DHRSX: variants seen among roughly 807,000 people sequenced by gnomAD.
DHRSX encodes dehydrogenase/reductase X-linked.
In DHRSX, 31 loss-of-function variants were observed where a neutral mutation model predicts 34.0. That is an observed-to-expected ratio of 0.91 (90% confidence interval 0.69 to 1.23). The LOEUF (loss-of-function observed/expected upper bound fraction) is 1.23, where lower values mean the gene tolerates loss of function less well. Ranked by LOEUF, DHRSX falls within the 50% of genes most tolerant of loss-of-function variation. The pLI, the probability that DHRSX is intolerant of heterozygous loss-of-function variation, is 0.00. For synonymous variants in DHRSX, 201 were observed against 183.8 expected (o/e 1.09, Z -0.76); for missense variants, 414 against 428.1 (o/e 0.97, Z 0.29).
intron 5 of DHRSX, among the ~76,000 whole-genome samples, chrX:2,249,580 G>C (rs1240311723): frequency 7.1e-6 from 1 of 141,154 alleles, no homozygotes; most frequent in Non-Finnish European, 1.5e-5. Flanking sequence ...CTGGAGTGCG[G>C]TGGCGCAATC....
intron 1 of DHRSX, among the ~76,000 whole-genome samples, chrX:2,450,906 C>A (rs1000564366): frequency 6.6e-6 from 1 of 151,918 alleles, no homozygotes; most frequent in African/African-American, 2.4e-5. Context: ...GATCGAGCCT[C>A]ATGAATGGGA....
intron 1 of DHRSX, chrX:2,486,477 A>G (rs1412653667): frequency 6.6e-6 from 1 of 152,242 alleles, no homozygotes; most frequent in Non-Finnish European, 1.5e-5. Context: ...ACTTTACAGC[A>G]TTAAATAAGG....
chrX:2,450,904 C>G, intron 1 of DHRSX, among the ~76,000 whole-genome samples: 1 of 151,882 alleles, frequency 6.6e-6, no homozygotes, highest in Non-Finnish European at 1.5e-5. Context: ...GGGATCGAGC[C>G]TCATGAATGG....
chrX:2,431,326 C>CAAAA (rs748686139), intron 1 of DHRSX, among the ~76,000 whole-genome samples: 5 of 124,212 alleles, frequency 4.0e-5, no homozygotes, highest in South Asian at 2.5e-4. Context: ...CTCCATCTCA[C>CAAAA]AAAAAAAAAA....
intron 4 of DHRSX, among the ~76,000 whole-genome samples, chrX:2,287,893 C>T (rs1033147098): frequency 2.6e-5 from 4 of 152,176 alleles, no homozygotes; most frequent in Non-Finnish European, 4.4e-5. Context: ...CAGAGATGCC[C>T]ACAACCTATT....
intron 1 of DHRSX, among the ~76,000 whole-genome samples, chrX:2,478,097 A>T (rs1230770579): frequency 5.3e-5 from 8 of 152,224 alleles, no homozygotes; most frequent in Admixed American, 3.3e-4. Flanking sequence ...TCCAGAAAGC[A>T]AATGAAGCCT....
At chrX:2,249,585 G>A (rs1182493314) in intron 5 of DHRSX, among the ~76,000 whole-genome samples, 6 of 134,710 alleles carry the variant, frequency 4.5e-5, no homozygotes, top group African/African-American at 1.1e-4. Context: ...GTGCGGTGGC[G>A]CAATCTCAGC....
intron 1 of DHRSX, among the ~76,000 whole-genome samples, chrX:2,494,597 T>C (rs1410912836): frequency 2.0e-5 from 3 of 152,010 alleles, no homozygotes; most frequent in African/African-American, 7.2e-5. Context: ...AAAAAGGTTC[T>C]GGCACTTCAG....
At chrX:2,489,067 G>T (rs1345440049) in intron 1 of DHRSX, 1 of 1,613,916 alleles carries the variant, frequency 6.2e-7, no homozygotes, top group East Asian at 2.2e-5. Context: ...TCTGGCAGAA[G>T]ATCTCGGCCA....
At chrX:2,236,339 G>T (rs949734559) in intron 6 of DHRSX, among the ~76,000 whole-genome samples, 43 of 152,290 alleles carry the variant, frequency 2.8e-4, no homozygotes, top group Admixed American at 5.2e-4. Context: ...TGGGGGAAGG[G>T]CGTGCGTGGA....
intron 3 of DHRSX, among the ~76,000 whole-genome samples, chrX:2,304,221 ATGG>A (rs1342617533): frequency 8.3e-6 from 1 of 120,566 alleles, no homozygotes; most frequent in Non-Finnish European, 1.7e-5. Flanking sequence ...GGATGGATGG[ATGG>A]ATGGATGGAT....
At chrX:2,405,121 G>C (rs2043535475) in intron 3 of DHRSX, among the ~76,000 whole-genome samples, 1 of 149,626 alleles carries the variant, frequency 6.7e-6, no homozygotes, top group Non-Finnish European at 1.5e-5. Context: ...GCTTAGGGTA[G>C]AAAGGAGGAG....
chrX:2,386,882 G>GTTT (rs57827913), intron 3 of DHRSX, among the ~76,000 whole-genome samples: 6 of 124,096 alleles, frequency 4.8e-5, no homozygotes, highest in South Asian at 2.5e-4. Context: ...TGATGGTTTT[G>GTTT]TTTTTTTTTT....
chrX:2,349,862 C>T (rs2042767017), intron 3 of DHRSX, among the ~76,000 whole-genome samples: 1 of 144,956 alleles, frequency 6.9e-6, no homozygotes, highest in Non-Finnish European at 1.5e-5. Context: ...CAGGGTGAAA[C>T]CCCGTTTCCA....
chrX:2,308,744 G>A (rs913839780), intron 3 of DHRSX, among the ~76,000 whole-genome samples: 1 of 151,672 alleles, frequency 6.6e-6, no homozygotes, highest in African/African-American at 2.4e-5. Context: ...TCAACATTGT[G>A]GGGGAAGGAG....
At chrX:2,228,822 T>C (rs2015797815) in intron 6 of DHRSX, among the ~76,000 whole-genome samples, 1 of 152,152 alleles carries the variant, frequency 6.6e-6, no homozygotes, top group Non-Finnish European at 1.5e-5. Context: ...AGAAAGCTGT[T>C]CCCTCTGAAC....
Position 2,500,942 on chromosome X carries a change from C to A in DHRSX, c.-17G>T. ...TGGCGACATGGCTGCCCCGGCCGCG[C>A]CGCCGCCGCTTCCGCGCCGCCCGCG... On this transcript the variant is annotated 5_prime_UTR_variant, in exon 1 of 7. Transcript: ENST00000334651. 9.6e-7 allele frequency: 1 copy of A among 1,044,088 alleles called. No individual in the cohort carries two copies. The highest frequency in any genetic ancestry group is 1.2e-6 in the Non-Finnish European group (1 of 868,618). 64.7% of individuals were successfully genotyped at this position (1,044,088 alleles called of 1,614,324 possible). A position where few individuals can be genotyped will look rare whatever the true frequency, so the allele number is the denominator to read the frequency against.
rs749995824 is a variant in DHRSX, at chrX:2,258,861, G to T, written c.596+7879C>A. Among the ~76,000 whole-genome samples, 3 of 152,352 alleles carry T rather than the reference G, an allele frequency of 2.0e-5. No homozygotes were observed. In the East Asian group the frequency reaches 5.8e-4, roughly 29 times the overall value. On this transcript the variant is annotated intron_variant, in intron 5 of 6. Transcript: ENST00000334651. ...CCCTGCAGAGGAATCATGGAGAAAT[G>T]AAACATGGCTCAGGTGAATGCCTGT...
At chrX:2,240,911 T>C (rs1446037359) in intron 6 of DHRSX, among the ~76,000 whole-genome samples, 1 of 152,116 alleles carries the variant, frequency 6.6e-6, no homozygotes, top group Admixed American at 6.6e-5. Context: ...ACAGGCACGG[T>C]GGCTCACTAC....
Sources: allele counts gnomAD v4.1 joint callset (sites outside exome capture counted in the v4.1 genomes callset), GRCh38; gene constraint gnomAD v4.1.1; transcripts MANE v1.5; gene names NCBI Gene and HGNC (gene_info 2026-07-23, HGNC 2026-07-21).